Variants in DENND4A observed in about 807,000 individuals in gnomAD.
DENND4A encodes the protein C-myc promoter-binding protein.
In DENND4A, 70 loss-of-function variants were observed where a neutral mutation model predicts 199.3. The ratio of observed to expected loss-of-function variants is 0.35; its 90% CI spans 0.29 to 0.43. The LOEUF is 0.43. Among genes scored for constraint, DENND4A ranks in the 20% least tolerant of loss-of-function variants. The pLI, the probability that DENND4A is intolerant of heterozygous loss-of-function variation, is 1.00. For missense variants in DENND4A, 1,723 were observed against 2,255.8 expected (o/e 0.76, Z 4.78); for synonymous variants, 686 against 766.9 (o/e 0.89, Z 1.74).
intron 12 of DENND4A, among the ~76,000 whole-genome samples, chr15:65,722,095 T>A (rs974388240): frequency 1.3e-5 from 2 of 152,138 alleles, no homozygotes; most frequent in Non-Finnish European, 2.9e-5. Flanking sequence ...CCACTGAAGG[T>A]GAAAAGCTCT....
intron 1 of DENND4A, among the ~76,000 whole-genome samples, chr15:65,777,975 G>A (rs1175146290): frequency 6.6e-6 from 1 of 152,152 alleles, no homozygotes; most frequent in South Asian, 2.1e-4. Flanking sequence ...AGAGGTCGCA[G>A]TGAGCTGAGA....
rs540074198 is a variant in DENND4A at position 65,661,260 on chromosome 15, G to C, written c.*591C>G. ...CCAAGTAATAAAAAATATATATATAGATAGATATACACAGAGAGATCTGCA... is the reference window on the plus strand; with the variant it reads ...CCAAGTAATAAAAAATATATATATACATAGATATACACAGAGAGATCTGCA... On this transcript the variant is annotated 3_prime_UTR_variant, in exon 33 of 33. Coordinates refer to ENST00000443035, the MANE Select transcript of DENND4A (RefSeq NM_001320835.1). 3.9e-5 allele frequency: 6 copies of C among 152,100 alleles called. No homozygotes were observed. The highest frequency in any genetic ancestry group is 1.4e-4 in the African/African-American group (6 of 41,450). 9.4% of individuals were successfully genotyped at this position (152,100 alleles called of 1,614,324 possible).
At chr15:65,708,406 T>C (rs997057124) in intron 14 of DENND4A, among the ~76,000 whole-genome samples, 13 of 152,194 alleles carry the variant, frequency 8.5e-5, no homozygotes, top group African/African-American at 3.1e-4. Flanking sequence ...ATTGTTCTCA[T>C]AGAAAAGTGT....
intron 23 of DENND4A, among the ~76,000 whole-genome samples, chr15:65,684,363 A>G (rs931584391): frequency 6.6e-6 from 1 of 152,208 alleles, no homozygotes; most frequent in African/African-American, 2.4e-5. Flanking sequence ...CCATTTCTCC[A>G]CATCCCCTCC....
intron 11 of DENND4A, 200 bp downstream of exon 11, chr15:65,728,872 C>T: frequency 1.6e-6 from 1 of 618,488 alleles, no homozygotes; most frequent in East Asian, 3.0e-5. Context: ...TATAGTCCTT[C>T]CAACAAAACC....
chr15:65,686,395 ATT>A (rs1172812172), intron 23 of DENND4A, among the ~76,000 whole-genome samples: 1 of 152,130 alleles, frequency 6.6e-6, no homozygotes, highest in Non-Finnish European at 1.5e-5. Context: ...TGTTGCTGAG[ATT>A]TGTCTTGACC....
At chr15:65,703,981 G>A (rs577290434) in intron 15 of DENND4A, among the ~76,000 whole-genome samples, 3 of 152,220 alleles carry the variant, frequency 2.0e-5, no homozygotes, top group East Asian at 3.9e-4. Context: ...TTTTAATTAA[G>A]AAGAAACCTA....
chr15:65,777,886 G>A (rs893127515), intron 1 of DENND4A, among the ~76,000 whole-genome samples: 1 of 151,992 alleles, frequency 6.6e-6, no homozygotes, highest in Non-Finnish European at 1.5e-5. Flanking sequence ...ATATAAAAAG[G>A]TAGCTGGGCA....
chr15:65,757,973 C>A (rs981619420), intron 2 of DENND4A, among the ~76,000 whole-genome samples: 5 of 151,886 alleles, frequency 3.3e-5, no homozygotes, highest in African/African-American at 1.2e-4. Flanking sequence ...AAGAGCGAAA[C>A]TCTATCTCAA....
At chr15:65,697,415 T>G (rs748695929) in intron 20 of DENND4A, 32 bp from the exon 21 acceptor site, 10 of 1,365,678 alleles carry the variant, frequency 7.3e-6, no homozygotes, top group Non-Finnish European at 9.3e-6. Context: ...AAAACTCTAT[T>G]AGAAACTTCT....
chr15:65,737,994 C>G, intron 6 of DENND4A, 49 bp from the exon 7 acceptor site: 1 of 1,488,924 alleles, frequency 6.7e-7, no homozygotes, highest in Non-Finnish European at 9.0e-7. Flanking sequence ...ATCATATATC[C>G]AAATCACATC....
Position 65,689,952 on chromosome 15 carries a change from G to A in DENND4A, c.4179+463C>T, listed in dbSNP as rs548829395. Among the ~76,000 whole-genome samples, 27 of 152,258 alleles carry A rather than the reference G, an allele frequency of 1.8e-4. No homozygotes were observed. In the South Asian group the frequency reaches 3.3e-3, roughly 19 times the overall value. ...TCTCTGCTTTCTAGTTACTTCAGCA[G>A]TTCTCTGATGACTTTAAACAGATAC... is the stretch of plus-strand genomic sequence containing the variant. On this transcript the variant is annotated intron_variant, in intron 23 of 32. Coordinates refer to ENST00000443035, the MANE Select transcript of DENND4A (RefSeq NM_001320835.1).
At chr15:65,771,271 T>C in intron 1 of DENND4A, 2 of 1,585,690 alleles carry the variant, frequency 1.3e-6, no homozygotes, top group Non-Finnish European at 1.7e-6. Context: ...CACGGTATAC[T>C]TTTGCTGCAT....
At chr15:65,674,158 T>C (rs2076299103) in intron 24 of DENND4A, among the ~76,000 whole-genome samples, 1 of 152,158 alleles carries the variant, frequency 6.6e-6, no homozygotes. Context: ...AAACCATCTA[T>C]AAAATGAGTT....
chr15:65,673,538 G>A (rs1234614655), intron 24 of DENND4A, among the ~76,000 whole-genome samples: 1 of 150,460 alleles, frequency 6.6e-6, no homozygotes, highest in Non-Finnish European at 1.5e-5. Flanking sequence ...AAATAAGAGG[G>A]GATGGGAAAA....
intron 23 of DENND4A, among the ~76,000 whole-genome samples, chr15:65,679,947 T>C (rs1006588996): frequency 1.3e-5 from 2 of 152,168 alleles, no homozygotes; most frequent in African/African-American, 4.8e-5. Flanking sequence ...GGGCTAATAA[T>C]GAAATTTTGG....
At chr15:65,765,945 A>C (rs2076972319) in intron 1 of DENND4A, among the ~76,000 whole-genome samples, 1 of 152,184 alleles carries the variant, frequency 6.6e-6, no homozygotes, top group African/African-American at 2.4e-5. Context: ...CAAAAACAAT[A>C]CTTTCTTACA....
At chr15:65,733,423 A>AT (rs1313985095) in intron 7 of DENND4A, among the ~76,000 whole-genome samples, 1 of 152,204 alleles carries the variant, frequency 6.6e-6, no homozygotes, top group African/African-American at 2.4e-5. Context: ...TTATTTCTGA[A>AT]TTTTTTTAAA....
At chr15:65,789,221 C>CT (rs1429136867) in intron 1 of DENND4A, among the ~76,000 whole-genome samples, 1 of 152,120 alleles carries the variant, frequency 6.6e-6, no homozygotes, top group African/African-American at 2.4e-5. Context: ...GGGTCTTACT[C>CT]TGTTGCCCAG....
Sources: gnomAD v4.1 joint callset for allele counts (sites outside exome capture counted in the v4.1 genomes callset) on GRCh38, gnomAD v4.1.1 for gene constraint, MANE v1.5 for transcripts, NCBI Gene and HGNC (gene_info 2026-07-23, HGNC 2026-07-21) for gene names.